Variants in SNX13 observed in about 807,000 individuals in gnomAD.
SNX13 encodes the protein sorting nexin 13.
In SNX13, 45 loss-of-function variants were observed where a neutral mutation model predicts 133.6. That is an observed-to-expected ratio of 0.34 (90% CI 0.27 to 0.43). The LOEUF (loss-of-function observed/expected upper bound fraction) is 0.43, where lower values mean the gene tolerates loss of function less well. SNX13 is among the 20% of genes least tolerant of loss of function. SNX13 has a pLI of 1.00. For synonymous variants in SNX13, 414 were observed against 373.9 expected (o/e 1.11, Z -1.24); for missense variants, 1,032 against 1,145.1 (o/e 0.90, Z 1.43).
At chr7:17,846,969 T>G (rs1790617592) in intron 11 of SNX13, among the ~76,000 whole-genome samples, 1 of 152,110 alleles carries the variant, frequency 6.6e-6, no homozygotes, top group South Asian at 2.1e-4. Context: ...GAAAACACTG[T>G]ATGATCTGAG....
At chr7:17,928,464 A>C (rs979000568) in intron 1 of SNX13, among the ~76,000 whole-genome samples, 1 of 152,248 alleles carries the variant, frequency 6.6e-6, no homozygotes, top group Non-Finnish European at 1.5e-5. Context: ...GCTAAGTGAT[A>C]AAACTGGAGC....
chr7:17,877,014 G>A (rs1402771579), intron 5 of SNX13, among the ~76,000 whole-genome samples: 20 of 113,758 alleles, frequency 1.8e-4, no homozygotes, highest in African/African-American at 6.7e-4. Flanking sequence ...AAAGGCTAGT[G>A]AAGATGCTGA....
At chr7:17,802,961 T>C (rs571700804) in intron 21 of SNX13, among the ~76,000 whole-genome samples, 10 of 152,224 alleles carry the variant, frequency 6.6e-5, no homozygotes, top group Non-Finnish European at 1.0e-4. Flanking sequence ...AGCCCAGAGA[T>C]TGATGGTAAT....
At chr7:17,829,220 T>C (rs1431250973) in intron 16 of SNX13, among the ~76,000 whole-genome samples, 1 of 151,516 alleles carries the variant, frequency 6.6e-6, no homozygotes, top group Non-Finnish European at 1.5e-5. Context: ...GAAAAAGTAA[T>C]GCAGGTAGGA....
intron 1 of SNX13, among the ~76,000 whole-genome samples, chr7:17,906,987 C>A (rs1798473374): frequency 6.6e-6 from 1 of 152,174 alleles, no homozygotes; most frequent in African/African-American, 2.4e-5. Context: ...CACAAGCTGA[C>A]AGAAACATTT....
chr7:17,817,164 T>C (rs2128299318), intron 18 of SNX13, among the ~76,000 whole-genome samples: 1 of 152,348 alleles, frequency 6.6e-6, no homozygotes, highest in Admixed American at 6.5e-5. Flanking sequence ...TAAATGTGTA[T>C]ACCATAAGTC....
At chr7:17,810,426 T>A (rs1270951896) in intron 20 of SNX13, among the ~76,000 whole-genome samples, 1 of 151,536 alleles carries the variant, frequency 6.6e-6, no homozygotes, top group Admixed American at 6.6e-5. Flanking sequence ...CAAGAAGAAG[T>A]CGAATCCCTG....
chr7:17,923,232 G>A (rs1800328503), intron 1 of SNX13, among the ~76,000 whole-genome samples: 2 of 152,118 alleles, frequency 1.3e-5, no homozygotes, highest in South Asian at 4.1e-4. Context: ...AAGAAAGTTG[G>A]TCCAAATTGT....
At position 17,850,446 on chromosome 7, in the gene SNX13, A is replaced by T; in HGVS notation, c.977-11T>A. On this transcript the variant is annotated splice_polypyrimidine_tract_variant and intron_variant, in intron 10 of 25. Transcript: ENST00000428135. ...TGATAGTGTTGATATCTAAAAGCAA[A>T]GAAATCATGAACTAGAAAGTGGTAG... The T allele has an allele frequency of 6.8e-7, 1 of 1,478,778 alleles. No individual in the cohort carries two copies. The highest frequency in any genetic ancestry group is 1.3e-5 in the South Asian group (1 of 77,512). The allele number at this position is 1,478,778 out of a possible 1,614,324, so 91.6% of individuals were successfully genotyped here.
At chr7:17,809,203 G>A (rs1200623003) in intron 20 of SNX13, among the ~76,000 whole-genome samples, 1 of 144,906 alleles carries the variant, frequency 6.9e-6, no homozygotes, top group African/African-American at 2.6e-5. Flanking sequence ...GCTGTATTCA[G>A]GAGACCCATC....
At chr7:17,891,756 A>G in intron 3 of SNX13, 121 bp from the exon 4 acceptor site, 2 of 616,712 alleles carry the variant, frequency 3.2e-6, no homozygotes, top group Non-Finnish European at 5.5e-6. Context: ...AAATAACCTT[A>G]TTTGAGGTGC....
chr7:17,845,823 G>A (rs1790455365), intron 11 of SNX13, 129 bp from the exon 12 acceptor site: 4 of 574,850 alleles, frequency 7.0e-6, no homozygotes, highest in Non-Finnish European at 1.2e-5. Flanking sequence ...TCTCATGCAT[G>A]TTGTTTCCCA....
At chr7:17,830,737 T>G in intron 15 of SNX13, 1 of 977,962 alleles carries the variant, frequency 1.0e-6, no homozygotes, top group Non-Finnish European at 1.2e-6. Flanking sequence ...TCTAAGAAAA[T>G]TAAGTTACCA....
At chr7:17,807,690 G>T (rs1356511091) in intron 20 of SNX13, among the ~76,000 whole-genome samples, 1 of 152,164 alleles carries the variant, frequency 6.6e-6, no homozygotes, top group Admixed American at 6.5e-5. Context: ...CCCATCAGGG[G>T]TCGACAGACA....
chr7:17,873,420 G>A (rs560815970), intron 8 of SNX13, 108 bp downstream of exon 8: 35 of 472,778 alleles, frequency 7.4e-5, no homozygotes, highest in African/African-American at 5.9e-4. Flanking sequence ...AAGCTCTTTG[G>A]AGTCTTCAAT....
chr7:17,930,867 C>T (rs942761344), intron 1 of SNX13, among the ~76,000 whole-genome samples: 1 of 152,112 alleles, frequency 6.6e-6, no homozygotes, highest in Admixed American at 6.5e-5. Context: ...AGCACTACCC[C>T]TATTGTGAAG....
At chr7:17,938,166 G>GA (rs1195895012) in intron 1 of SNX13, among the ~76,000 whole-genome samples, 1 of 151,912 alleles carries the variant, frequency 6.6e-6, no homozygotes, top group Non-Finnish European at 1.5e-5. Context: ...AAATGAAAAG[G>GA]AAAAAAAGCT....
intron 22 of SNX13, 45 bp from the exon 23 acceptor site, chr7:17,799,199 A>G (rs2128284561): frequency 6.8e-7 from 1 of 1,466,342 alleles, no homozygotes; most frequent in East Asian, 2.4e-5. Flanking sequence ...TTAGCTATCT[A>G]CTATGAATTG....
At position 17,940,485 on chromosome 7, in the gene SNX13, T is replaced by G. The variant is rs1032171285; in HGVS notation, c.-190A>C. 1 of 721,278 alleles carries G rather than the reference T, an allele frequency of 1.4e-6. No individual in the cohort carries two copies. The highest frequency in any genetic ancestry group is 1.7e-5 in the African/African-American group (1 of 57,488). 44.7% of individuals were successfully genotyped at this position (721,278 alleles called of 1,614,324 possible). A position where few individuals can be genotyped will look rare whatever the true frequency, so the allele number is the denominator to read the frequency against. ...CGCTCGCGACGGACGCGCCGCCATC[T>G]TGGAAGAGCGACGTCCGCGTCTCGC... On this transcript the variant is annotated 5_prime_UTR_variant, in exon 1 of 26. Transcript: ENST00000428135.
Sources: gnomAD v4.1 joint callset for allele counts (sites outside exome capture counted in the v4.1 genomes callset) on GRCh38, gnomAD v4.1.1 for gene constraint, MANE v1.5 for transcripts, NCBI Gene and HGNC (gene_info 2026-07-23, HGNC 2026-07-21) for gene names.